TLL1: variants seen among roughly 807,000 people sequenced by gnomAD.
The protein encoded by TLL1 is tolloid-like protein 1.
TLL1 carries 49 observed loss-of-function variants against 128.2 expected under a neutral mutation model. The observed-to-expected ratio is 0.38, with a 90% CI of 0.30 to 0.48. The LOEUF (loss-of-function observed/expected upper bound fraction) is 0.48. Ranked by LOEUF, TLL1 falls within the 20% of genes least tolerant of loss-of-function variation. TLL1 has a pLI of 0.96. For missense variants in TLL1, 1,123 were observed against 1,242.0 expected, an observed-to-expected ratio of 0.90 and a Z score of 1.44; for synonymous variants, 454 against 418.8, an observed-to-expected ratio of 1.08 and a Z score of -1.03.
At chr4:166,053,974 T>C (rs1739879240) in intron 12 of TLL1, among the ~76,000 whole-genome samples, 1 of 152,124 alleles carries the variant, frequency 6.6e-6, no homozygotes, top group Non-Finnish European at 1.5e-5. Context: ...AATTTATAAA[T>C]TTTGTTTTTT....
chr4:166,010,965 T>C (rs1374480361), intron 7 of TLL1, among the ~76,000 whole-genome samples: 1 of 151,276 alleles, frequency 6.6e-6, no homozygotes, highest in Non-Finnish European at 1.5e-5. Context: ...TCGTATATGA[T>C]GGTTTATTTC....
intron 12 of TLL1, among the ~76,000 whole-genome samples, chr4:166,047,324 C>G (rs1055734026): frequency 9.9e-5 from 15 of 151,598 alleles, no homozygotes; most frequent in Non-Finnish European, 2.1e-4. Context: ...GCCACTGTGC[C>G]TGGCTAATTT....
intron 1 of TLL1, among the ~76,000 whole-genome samples, chr4:165,973,420 A>G (rs1331757437): frequency 1.3e-5 from 2 of 151,986 alleles, no homozygotes; most frequent in Non-Finnish European, 2.9e-5. Flanking sequence ...CTACCTTTGG[A>G]ATCGAGTCCT....
intron 12 of TLL1, among the ~76,000 whole-genome samples, chr4:166,043,880 C>G (rs577506286): frequency 7.0e-4 from 106 of 151,236 alleles, no homozygotes; most frequent in African/African-American, 2.5e-3. Flanking sequence ...AGTGTTCTTA[C>G]GAGCTTTCAA....
At chr4:165,975,091 C>G (rs572621858) in intron 1 of TLL1, among the ~76,000 whole-genome samples, 1 of 152,148 alleles carries the variant, frequency 6.6e-6, no homozygotes, top group African/African-American at 2.4e-5. Flanking sequence ...GAAGGAGCTA[C>G]GCCCTTATAT....
chr4:166,057,427 A>C, intron 14 of TLL1, 118 bp downstream of exon 14: 1 of 1,415,474 alleles, frequency 7.1e-7, no homozygotes, highest in Non-Finnish European at 9.7e-7. Flanking sequence ...TCTTTCCTCA[A>C]TTAGTAAGAC....
Position 166,038,109 on chromosome 4 carries a change from A to C in TLL1, c.1159-1230A>C, listed in dbSNP as rs984771844. Among the ~76,000 whole-genome samples, 42 of 152,290 alleles carry C rather than the reference A, an allele frequency of 2.8e-4. 2 individuals are homozygous for C. The highest frequency in any genetic ancestry group is 9.4e-4 in the African/African-American group (39 of 41,578). On this transcript the variant is annotated intron_variant, in intron 9 of 20. Coordinates refer to ENST00000061240, the MANE Select transcript of TLL1 (RefSeq NM_012464.5). ...TACCTTGATGTTAAATATTGTGTTC[A>C]AGAAAGGGGAGAAGCATATACTTTC...
chr4:166,008,675 C>A (rs560114262), intron 7 of TLL1, among the ~76,000 whole-genome samples: 16 of 151,626 alleles, frequency 1.1e-4, no homozygotes, highest in African/African-American at 3.9e-4. Context: ...GGGTTTTGAT[C>A]TACTTCATTC....
chr4:166,019,407 C>T (rs1047696835), intron 8 of TLL1, among the ~76,000 whole-genome samples: 2 of 152,068 alleles, frequency 1.3e-5, no homozygotes, highest in East Asian at 3.9e-4. Context: ...TACATGTACT[C>T]TTTGTATCTA....
chr4:165,893,662 A>G (rs1374785504), intron 1 of TLL1, among the ~76,000 whole-genome samples: 3 of 152,166 alleles, frequency 2.0e-5, no homozygotes, highest in Non-Finnish European at 4.4e-5. Flanking sequence ...CTACCAAAAG[A>G]AAAAAGAAAA....
intron 8 of TLL1, among the ~76,000 whole-genome samples, chr4:166,025,002 AC>A (rs1738427332): frequency 6.6e-6 from 1 of 152,140 alleles, no homozygotes; most frequent in African/African-American, 2.4e-5. Context: ...CTGAATCTGA[AC>A]ATGGGTGTGC....
At chr4:166,015,307 ATACT>A (rs1737883968) in intron 8 of TLL1, among the ~76,000 whole-genome samples, 1 of 152,018 alleles carries the variant, frequency 6.6e-6, no homozygotes, top group East Asian at 1.9e-4. Context: ...CTTTTACCCA[ATACT>A]TACTTGTAGA....
intron 9 of TLL1, among the ~76,000 whole-genome samples, chr4:166,033,523 T>C (rs80119349): frequency 2.6e-5 from 4 of 152,260 alleles, no homozygotes; most frequent in South Asian, 4.1e-4. Context: ...ATATGTTATT[T>C]TGGGCAAGAG....
chr4:165,912,708 T>G (rs879509370), intron 1 of TLL1, among the ~76,000 whole-genome samples: 1 of 152,196 alleles, frequency 6.6e-6, no homozygotes, highest in African/African-American at 2.4e-5. Context: ...AGTTAGGGAC[T>G]CCGGTATCGT....
intron 7 of TLL1, among the ~76,000 whole-genome samples, chr4:166,014,038 T>C (rs1737820293): frequency 6.6e-6 from 1 of 151,910 alleles, no homozygotes; most frequent in Non-Finnish European, 1.5e-5. Flanking sequence ...TTCAACATTA[T>C]TTACTGTAGT....
chr4:165,878,365 A>ATT (rs112754677), intron 1 of TLL1, among the ~76,000 whole-genome samples: 1 of 147,598 alleles, frequency 6.8e-6, no homozygotes, highest in African/African-American at 2.5e-5. Context: ...TCAGATCTTG[A>ATT]TTTTTTTTTT....
At chr4:166,003,965 G>A (rs1403891641) in intron 6 of TLL1, among the ~76,000 whole-genome samples, 4 of 152,020 alleles carry the variant, frequency 2.6e-5, no homozygotes, top group South Asian at 2.1e-4. Context: ...GCCATAACAC[G>A]TGCTGCTACC....
At chr4:165,951,446 T>A (rs1244459534) in intron 1 of TLL1, among the ~76,000 whole-genome samples, 3 of 152,138 alleles carry the variant, frequency 2.0e-5, no homozygotes, top group African/African-American at 7.2e-5. Context: ...TTGGTCATAA[T>A]TGGCCCATGC....
intron 9 of TLL1, among the ~76,000 whole-genome samples, chr4:166,035,841 A>T (rs1738972624): frequency 6.6e-6 from 1 of 152,176 alleles, no homozygotes; most frequent in Non-Finnish European, 1.5e-5. Context: ...GTCCCGATAG[A>T]ACTTTTACAG....
Sources: gnomAD v4.1 joint callset for allele counts (sites outside exome capture counted in the v4.1 genomes callset) on GRCh38, gnomAD v4.1.1 for gene constraint, MANE v1.5 for transcripts, NCBI Gene and HGNC (gene_info 2026-07-23, HGNC 2026-07-21) for gene names.